RBM5: variants seen among roughly 807,000 people sequenced by gnomAD.
RBM5 encodes the protein RNA binding motif protein 5.
Under a neutral mutation model 124.6 loss-of-function variants are expected in RBM5, and 15 were observed. The ratio of observed to expected loss-of-function variants is 0.12; its 90% CI spans 0.08 to 0.19. The LOEUF (loss-of-function observed/expected upper bound fraction) is 0.19. Ranked by LOEUF, RBM5 falls within the 10% of genes least tolerant of loss-of-function variation. RBM5 has a pLI of 1.00. For synonymous variants in RBM5, 337 were observed against 361.2 expected (o/e 0.93, Z 0.76); for missense variants, 580 against 1,026.5 (o/e 0.57, Z 5.94).
At chr3:50,091,251 C>T (rs1298973397) in intron 2 of RBM5, among the ~76,000 whole-genome samples, 1 of 152,162 alleles carries the variant, frequency 6.6e-6, no homozygotes, top group African/African-American at 2.4e-5. Flanking sequence ...GTGTCTCAGT[C>T]CCATATTTCC....
chr3:50,092,016 T>C (rs2090712403), intron 2 of RBM5, 27 bp from the exon 3 acceptor site: 1 of 1,611,240 alleles, frequency 6.2e-7, no homozygotes, highest in Non-Finnish European at 8.5e-7. Flanking sequence ...TGACTGACTT[T>C]AGAATGAAAA....
At chr3:50,105,483 T>C in intron 9 of RBM5, 66 bp from the exon 10 acceptor site, 3 of 1,521,640 alleles carry the variant, frequency 2.0e-6, no homozygotes, top group Non-Finnish European at 2.7e-6. Context: ...TGACCCTATC[T>C]TGGAAAACTT....
chr3:50,115,757 C>T, intron 21 of RBM5, 149 bp from the exon 22 acceptor site: 2 of 1,167,386 alleles, frequency 1.7e-6, no homozygotes, highest in Non-Finnish European at 1.2e-6. Flanking sequence ...CGGAGTCTGG[C>T]AGCTCCACAC....
chr3:50,112,797 G>A (rs2091172363), intron 17 of RBM5: 1 of 152,172 alleles, frequency 6.6e-6, no homozygotes, highest in South Asian at 2.1e-4. Context: ...TTGCTCTTTG[G>A]GTGCCCTCTA....
chr3:50,107,759 T>C (rs954665500), intron 12 of RBM5, among the ~76,000 whole-genome samples, 190 bp downstream of exon 12: 32 of 133,298 alleles, frequency 2.4e-4, no homozygotes, highest in Non-Finnish European at 4.2e-4. Context: ...CAATCTTGGC[T>C]CACTGCAAGC....
chr3:50,115,629 T>A (rs374586358), intron 21 of RBM5, 22 bp downstream of exon 21: 2 of 1,590,358 alleles, frequency 1.3e-6, no homozygotes, highest in Non-Finnish European at 1.7e-6. Flanking sequence ...TCTGAGCTGA[T>A]CTGAGGGGGC....
chr3:50,118,204 G>A (rs1431812084), intron 24 of RBM5, 127 bp from the exon 25 acceptor site: 8 of 1,286,898 alleles, frequency 6.2e-6, no homozygotes, highest in Admixed American at 2.5e-5. Flanking sequence ...AGAAATCCTT[G>A]TCTTCATATA....
chr3:50,091,150 TAGG>T (rs1362730505), intron 2 of RBM5, among the ~76,000 whole-genome samples: 4 of 152,156 alleles, frequency 2.6e-5, no homozygotes, highest in African/African-American at 9.7e-5. Flanking sequence ...TGAGGGACCT[TAGG>T]AGATGTTCAT....
intron 4 of RBM5, 175 bp downstream of exon 4, chr3:50,094,050 C>A: frequency 1.7e-6 from 1 of 574,182 alleles, no homozygotes. Flanking sequence ...TTTGCATTTA[C>A]ATAAGTTTAA....
chr3:50,089,380 A>T (rs1360764458), intron 1 of RBM5, among the ~76,000 whole-genome samples: 1 of 152,168 alleles, frequency 6.6e-6, no homozygotes, highest in Non-Finnish European at 1.5e-5. Context: ...CCCCCGCTCA[A>T]CTGCAACTGA....
chr3:50,110,439 G>A lies in RBM5; in HGVS notation c.1339G>A (p.Gly447Ser). The A allele has an allele frequency of 6.2e-7, 1 of 1,614,138 alleles. No homozygotes were observed. The highest frequency in any genetic ancestry group is 8.5e-7 in the Non-Finnish European group (1 of 1,179,988). Residue 447 changes from glycine (G) to serine (S), a missense_variant, in exon 16 of 25, where the codon GGT (glycine) becomes AGT (serine). Physicochemically the swap from Gly to Ser is moderately conservative, Grantham distance 56 (BLOSUM62 0). Coordinates refer to ENST00000347869, the MANE Select transcript of RBM5 (RefSeq NM_005778.4). ...ACAGGCCCCAGCCGCTTCCCCTACTGGTGTAGTTCCTGGTACCAAATATGG... is the reference window on the plus strand; with the variant it reads ...ACAGGCCCCAGCCGCTTCCCCTACTAGTGTAGTTCCTGGTACCAAATATGG... ...STQAPAASPT[G>S]VVPGTKYAVP...
chr3:50,108,901 G>C (rs886428458), intron 14 of RBM5, among the ~76,000 whole-genome samples: 5 of 152,158 alleles, frequency 3.3e-5, no homozygotes, highest in Non-Finnish European at 7.3e-5. Flanking sequence ...GAGTGCCCAC[G>C]TAAGTTCAGG....
chr3:50,109,939 G>A (rs2091111554), intron 15 of RBM5: 1 of 365,686 alleles, frequency 2.7e-6, no homozygotes, highest in Non-Finnish European at 4.9e-6. Context: ...GGGGCCGGGT[G>A]TGGTGGCTCG....
At chr3:50,089,865 T>C (rs2108980983) in intron 1 of RBM5, 1 of 155,796 alleles carries the variant, frequency 6.4e-6, no homozygotes, top group East Asian at 1.9e-4. Flanking sequence ...CTAGCTTTGC[T>C]CTTGTCTTAT....
intron 4 of RBM5, among the ~76,000 whole-genome samples, chr3:50,095,597 T>A (rs1297978561): frequency 1.3e-5 from 2 of 151,868 alleles, no homozygotes; most frequent in Non-Finnish European, 2.9e-5. Flanking sequence ...TCCATTGCTC[T>A]ACTGTTGTGC....
At chr3:50,091,908 G>T in intron 2 of RBM5, 135 bp from the exon 3 acceptor site, 2 of 907,258 alleles carry the variant, frequency 2.2e-6, no homozygotes, top group Non-Finnish European at 3.5e-6. Context: ...ACTGGAATTT[G>T]GTAATACTTT....
Position 50,092,074 on chromosome 3 carries a change from G to A in RBM5, c.49G>A (p.Gly17Ser). The change falls in exon 3 of 25, where the codon GGT becomes AGT. Residue 17 changes from glycine to serine, a missense_variant. Physicochemically the swap from Gly to Ser is moderately conservative, Grantham distance 56. Coordinates refer to ENST00000347869, the MANE Select transcript of RBM5 (RefSeq NM_005778.4). ...TAGAACAGAGCGTAGTGGAAGATAC[G>A]GTTCCATCATAGACAGGGATGACCG... Reference protein sequence around the residue: ...VSRTERSGRYGSIIDRDDRDE... With the variant: ...VSRTERSGRYSSIIDRDDRDE... 2.5e-6 allele frequency: 4 copies of A among 1,614,030 alleles called. No individual in the cohort carries two copies. Among genetic ancestry groups the A allele is most frequent in the East Asian group, 2.2e-5 (1 of 44,878 alleles).
chr3:50,099,199 T>A lies in RBM5; in HGVS notation c.340-783T>A, dbSNP rs2090888243. On this transcript the variant is annotated intron_variant, in intron 4 of 24. Coordinates refer to ENST00000347869, the MANE Select transcript of RBM5 (RefSeq NM_005778.4). Reference sequence around the variant, plus strand: ...GAGTCCAGGAAGGCAGAGGTTGCAGTGAGCTGAGATCACACCAGTGCACTT... The same window carrying A: ...GAGTCCAGGAAGGCAGAGGTTGCAGAGAGCTGAGATCACACCAGTGCACTT... 1.3e-5 allele frequency among the ~76,000 whole-genome samples: 2 copies of A among 151,200 alleles called. 1 individual carries two copies. Among genetic ancestry groups the A allele is most frequent in the Admixed American group, 1.3e-4 (2 of 15,130 alleles).
intron 1 of RBM5, 51 bp from the exon 2 acceptor site, chr3:50,090,331 G>A (rs2090681302): frequency 3.1e-6 from 4 of 1,305,620 alleles, no homozygotes; most frequent in South Asian, 2.5e-5. Context: ...TGGAGCTGCT[G>A]ACTTAAGTGA....
Sources: allele counts gnomAD v4.1 joint callset (sites outside exome capture counted in the v4.1 genomes callset), GRCh38; gene constraint gnomAD v4.1.1; transcripts MANE v1.5; gene names NCBI Gene and HGNC (gene_info 2026-07-23, HGNC 2026-07-21).